The following TRAPPC8 variants were observed in gnomAD, a reference collection of about 807,000 sequenced individuals.
The protein encoded by TRAPPC8 is trafficking protein particle complex subunit 8.
In TRAPPC8, 54 loss-of-function variants were observed where a neutral mutation model predicts 174.3. That is an observed-to-expected ratio of 0.31 (90% CI 0.25 to 0.39). TRAPPC8 has a LOEUF of 0.39. Ranked by LOEUF, TRAPPC8 falls within the 10% of genes least tolerant of loss-of-function variation. The pLI is 1.00. For synonymous variants in TRAPPC8, 630 were observed against 579.9 expected, an observed-to-expected ratio of 1.09 and a Z score of -1.24; for missense variants, 1,531 against 1,699.1, an observed-to-expected ratio of 0.90 and a Z score of 1.74.
intron 6 of TRAPPC8, 195 bp downstream of exon 6, chr18:31,909,472 A>G: frequency 1.3e-6 from 1 of 795,992 alleles, no homozygotes; most frequent in Non-Finnish European, 1.5e-6. Flanking sequence ...TACACTACTC[A>G]TATAAAACAA....
rs755472293 is a variant in TRAPPC8, at chr18:31,908,907, C to T, written c.969G>A (p.Ser323=). Reference sequence around the variant, plus strand: ...TATTTCCTTTCTTTGTTTCATGTAACGATGAAGCAGATCTTAGATGATCTG... The same window carrying T: ...TATTTCCTTTCTTTGTTTCATGTAATGATGAAGCAGATCTTAGATGATCTG... ...DGPDHLRSAS[S]LHETKKGNTG... The change falls in exon 7 of 29, where the codon TCG becomes TCA. Residue 323 remains serine, a synonymous_variant. Transcript: ENST00000283351. The T allele has an allele frequency of 2.5e-6, 4 of 1,613,594 alleles. No individual in the cohort carries two copies. The highest frequency in any genetic ancestry group is 2.2e-5 in the East Asian group (1 of 44,850).
chr18:31,897,657 T>C, intron 11 of TRAPPC8, 129 bp downstream of exon 11: 2 of 574,162 alleles, frequency 3.5e-6, no homozygotes, highest in Non-Finnish European at 5.4e-6. Context: ...ATAGCCATGT[T>C]GTAAATTCCC....
intron 4 of TRAPPC8, among the ~76,000 whole-genome samples, chr18:31,915,417 C>T (rs1456863612): frequency 2.1e-5 from 3 of 143,922 alleles, no homozygotes; most frequent in Non-Finnish European, 4.5e-5. Flanking sequence ...GAGCCAAGAT[C>T]GTGCCACTGC....
chr18:31,942,952 C>T lies in TRAPPC8; in HGVS notation c.-188G>A, dbSNP rs1291416737. 2.6e-6 allele frequency: 3 copies of T among 1,156,012 alleles called. No individual in the cohort carries two copies. Among genetic ancestry groups the T allele is most frequent in the Non-Finnish European group, 2.2e-6 (2 of 917,342 alleles). The allele number at this position is 1,156,012 out of a possible 1,614,324, so 71.6% of individuals were successfully genotyped here. Reference sequence around the variant, plus strand: ...GGTTTCTGGGGCACAATCCACTGACCCCCCCCTTCCCGTCACCGCCGCTTC... The same window carrying T: ...GGTTTCTGGGGCACAATCCACTGACTCCCCCCTTCCCGTCACCGCCGCTTC... On this transcript the variant is annotated 5_prime_UTR_variant, in exon 1 of 29. Transcript: ENST00000283351.
At chr18:31,849,168 G>C (rs569371176) in intron 25 of TRAPPC8, among the ~76,000 whole-genome samples, 1 of 151,866 alleles carries the variant, frequency 6.6e-6, no homozygotes, top group South Asian at 2.1e-4. Flanking sequence ...AACAATAAAA[G>C]AGAAGAGAAG....
intron 1 of TRAPPC8, among the ~76,000 whole-genome samples, chr18:31,936,402 T>C (rs1291785310): frequency 6.6e-6 from 1 of 152,092 alleles, no homozygotes; most frequent in Non-Finnish European, 1.5e-5. Flanking sequence ...AGGTCGAGGC[T>C]GCAGTGAACC....
At chr18:31,850,529 C>T (rs1375339097) in intron 24 of TRAPPC8, among the ~76,000 whole-genome samples, 1 of 152,126 alleles carries the variant, frequency 6.6e-6, no homozygotes, top group African/African-American at 2.4e-5. Context: ...TAAATGGACT[C>T]AATTACAGGA....
At position 31,849,877 on chromosome 18, in the gene TRAPPC8, T is replaced by C. The variant is rs540094976; in HGVS notation, c.3562-138A>G. The C allele has an allele frequency of 7.6e-5, 53 of 695,800 alleles. 1 individual carries two copies. The highest frequency in any genetic ancestry group is 1.1e-4 in the Non-Finnish European group (50 of 463,970). The allele number at this position is 695,800 out of a possible 1,614,324, so 43.1% of individuals were successfully genotyped here. ...AGCTTATACATACCCAAAATACTTA[T>C]TCAATAATTCTTGTCAATGTAGTTG... On this transcript the variant is annotated intron_variant, in intron 24 of 28. Transcript: ENST00000283351.
intron 12 of TRAPPC8, among the ~76,000 whole-genome samples, chr18:31,886,954 C>G (rs1213385260): frequency 6.6e-6 from 1 of 151,838 alleles, no homozygotes; most frequent in South Asian, 2.1e-4. Flanking sequence ...GCACTCCAGC[C>G]TGGGTGACAC....
intron 25 of TRAPPC8, among the ~76,000 whole-genome samples, chr18:31,848,455 T>C (rs1298612773): frequency 2.6e-5 from 4 of 152,218 alleles, no homozygotes; most frequent in Non-Finnish European, 2.9e-5. Context: ...TATACACTTA[T>C]ATAATATGAT....
intron 17 of TRAPPC8, 42 bp downstream of exon 17, chr18:31,867,360 C>T (rs2034635521): frequency 1.4e-6 from 2 of 1,385,174 alleles, no homozygotes; most frequent in Non-Finnish European, 1.0e-6. Context: ...TTTCACCTTA[C>T]TTTCAGAAAG....
intron 2 of TRAPPC8, among the ~76,000 whole-genome samples, chr18:31,927,316 G>A (rs2037658809): frequency 6.6e-6 from 1 of 151,870 alleles, no homozygotes; most frequent in South Asian, 2.1e-4. Context: ...AGGCTGGAGT[G>A]CAGTGGCGTG....
chr18:31,863,821 C>T (rs1369587226), intron 19 of TRAPPC8, among the ~76,000 whole-genome samples: 1 of 151,958 alleles, frequency 6.6e-6, no homozygotes, highest in African/African-American at 2.4e-5. Flanking sequence ...CATCTTTCTT[C>T]TAGAAACTTG....
At chr18:31,908,540 A>G (rs186545028) in intron 7 of TRAPPC8, 122 bp from the exon 8 acceptor site, 664 of 887,514 alleles carry the variant, frequency 7.5e-4, no homozygotes, top group Non-Finnish European at 9.4e-4. Context: ...TGATTTAAAG[A>G]AAACTGTCCA....
At chr18:31,860,049 T>C (rs538890469) in intron 19 of TRAPPC8, among the ~76,000 whole-genome samples, 39 of 152,238 alleles carry the variant, frequency 2.6e-4, no homozygotes, top group African/African-American at 9.4e-4. Context: ...ATTTAGCCTT[T>C]ACCTCAAATG....
At chr18:31,892,144 A>T (rs759261103) in intron 11 of TRAPPC8, among the ~76,000 whole-genome samples, 1 of 152,208 alleles carries the variant, frequency 6.6e-6, no homozygotes, top group Non-Finnish European at 1.5e-5. Flanking sequence ...TAATTTTTTT[A>T]AAAAGAATAC....
At chr18:31,844,025 G>C (rs2033250831) in intron 26 of TRAPPC8, among the ~76,000 whole-genome samples, 1 of 152,028 alleles carries the variant, frequency 6.6e-6, no homozygotes, top group Non-Finnish European at 1.5e-5. Context: ...AATCAGTTTG[G>C]GTACATTTCC....
At chr18:31,865,618 T>A (rs1300158792) in intron 18 of TRAPPC8, among the ~76,000 whole-genome samples, 1 of 151,880 alleles carries the variant, frequency 6.6e-6, no homozygotes, top group African/African-American at 2.4e-5. Flanking sequence ...ATATAAAGTA[T>A]TTTTTAATGC....
In TRAPPC8 at chr18:31,897,785, C is replaced by T; in HGVS notation, c.1596+1G>A. On this transcript the variant is annotated splice_donor_variant, in intron 11 of 28. Coordinates refer to ENST00000283351, the MANE Select transcript of TRAPPC8 (RefSeq NM_014939.5). LOFTEE classifies it high-confidence loss of function. ...AAGCAAATACTACACAGTTTCAGTA[C>T]CTCACTGGTCAACCGTATTAGGAGA... The T allele has an allele frequency of 6.3e-7, 1 of 1,588,080 alleles. No homozygotes were observed. The highest frequency in any genetic ancestry group is 8.6e-7 in the Non-Finnish European group (1 of 1,165,480).
Sources: gnomAD v4.1 joint callset for allele counts (sites outside exome capture counted in the v4.1 genomes callset) on GRCh38, gnomAD v4.1.1 for gene constraint, MANE v1.5 for transcripts, NCBI Gene and HGNC (gene_info 2026-07-23, HGNC 2026-07-21) for gene names.